The following IMMP2L variants were observed in gnomAD, a reference collection of about 807,000 sequenced individuals.
The protein encoded by IMMP2L is mitochondrial inner membrane protease subunit 2.
Under a neutral mutation model 19.3 loss-of-function variants are expected in IMMP2L, and 18 were observed. That is an observed-to-expected ratio of 0.93 (90% CI 0.64 to 1.38). IMMP2L has a LOEUF of 1.38. IMMP2L is among the 40% of genes most tolerant of loss of function. The probability of loss-of-function intolerance (pLI) is 0.00; values close to 1 mark genes in which losing one functional copy is unlikely to be tolerated. For synonymous variants in IMMP2L, 76 were observed against 73.0 expected (o/e 1.04, Z -0.21); for missense variants, 233 against 218.2 (o/e 1.07, Z -0.43).
At chr7:110,938,788 T>A (rs1816393102) in intron 4 of IMMP2L, among the ~76,000 whole-genome samples, 2 of 152,084 alleles carry the variant, frequency 1.3e-5, no homozygotes, top group African/African-American at 4.8e-5. Context: ...GGGAAGAATA[T>A]CGTTAAATGT....
chr7:110,979,308 T>C (rs1821008902), intron 3 of IMMP2L, among the ~76,000 whole-genome samples: 1 of 152,154 alleles, frequency 6.6e-6, no homozygotes, highest in Admixed American at 6.5e-5. Context: ...TGTCTAAATT[T>C]TTTCTCAAAT....
At chr7:111,349,913 T>C (rs1278253047) in intron 3 of IMMP2L, among the ~76,000 whole-genome samples, 1 of 151,998 alleles carries the variant, frequency 6.6e-6, no homozygotes, top group Non-Finnish European at 1.5e-5. Context: ...CCCAATATCA[T>C]GGCTCTCATC....
At chr7:111,446,014 C>T (rs189391261) in intron 3 of IMMP2L, among the ~76,000 whole-genome samples, 3,960 of 152,016 alleles carry the variant, frequency 0.026, 84 homozygotes, top group Non-Finnish European at 0.028. Context: ...TAAGAAACGG[C>T]GCACCACGAG....
intron 5 of IMMP2L, among the ~76,000 whole-genome samples, chr7:110,774,569 A>G (rs1054310607): frequency 1.3e-5 from 2 of 152,104 alleles, no homozygotes; most frequent in Non-Finnish European, 2.9e-5. Context: ...CATTTTAGTC[A>G]ATGATGGACT....
chr7:111,024,140 G>C (rs1826575067), intron 3 of IMMP2L, among the ~76,000 whole-genome samples: 1 of 152,248 alleles, frequency 6.6e-6, no homozygotes, highest in Non-Finnish European at 1.5e-5. Flanking sequence ...GCAAAGATAG[G>C]TAAAATTCTT....
chr7:111,312,035 A>G (rs758232815), intron 3 of IMMP2L, among the ~76,000 whole-genome samples: 5 of 152,086 alleles, frequency 3.3e-5, no homozygotes, highest in African/African-American at 4.8e-5. Flanking sequence ...GCATTTCTCA[A>G]TATTTCCATG....
rs939152792 is a variant in IMMP2L at position 111,086,225 on chromosome 7, C to T, written c.240-122660G>A. Among the ~76,000 whole-genome samples, 3 of 145,540 alleles carry T rather than the reference C, an allele frequency of 2.1e-5. No homozygotes were observed. In the Admixed American group the frequency reaches 2.1e-4, roughly 10 times the overall value. ...AAGGTTCGCTTGAGAGCAGGCTGGG[C>T]AGCATAGAGAGACCCCATCTCTACT... On this transcript the variant is annotated intron_variant, in intron 3 of 5. Transcript: ENST00000405709.
At chr7:111,531,157 A>C (rs908078610) in intron 1 of IMMP2L, among the ~76,000 whole-genome samples, 4 of 151,970 alleles carry the variant, frequency 2.6e-5, no homozygotes, top group Admixed American at 2.6e-4. Context: ...GGGTTTCACC[A>C]TGTTAGCCAG....
At chr7:111,361,138 T>C (rs1829221300) in intron 3 of IMMP2L, among the ~76,000 whole-genome samples, 1 of 152,092 alleles carries the variant, frequency 6.6e-6, no homozygotes, top group African/African-American at 2.4e-5. Flanking sequence ...CAATAAACTA[T>C]ATTTAAATAT....
chr7:111,207,057 G>A (rs951512367), intron 3 of IMMP2L, among the ~76,000 whole-genome samples: 1 of 152,134 alleles, frequency 6.6e-6, no homozygotes. Context: ...TTTAACCTTG[G>A]AAGTGTCTCT....
chr7:111,144,046 A>G (rs904345546), intron 3 of IMMP2L, among the ~76,000 whole-genome samples: 2 of 152,130 alleles, frequency 1.3e-5, no homozygotes, highest in Non-Finnish European at 2.9e-5. Flanking sequence ...TTGTTTCTGG[A>G]CTAACAAAAT....
At chr7:110,683,605 T>G (rs1475681321) in intron 5 of IMMP2L, among the ~76,000 whole-genome samples, 2 of 152,154 alleles carry the variant, frequency 1.3e-5, no homozygotes, top group Non-Finnish European at 2.9e-5. Context: ...TTATTTTTTG[T>G]AAAGACTCAA....
At chr7:111,276,686 T>C (rs1819107717) in intron 3 of IMMP2L, among the ~76,000 whole-genome samples, 1 of 145,274 alleles carries the variant, frequency 6.9e-6, no homozygotes, top group African/African-American at 2.5e-5. Flanking sequence ...GAAAAAAAGC[T>C]AGCTGCATCA....
intron 3 of IMMP2L, among the ~76,000 whole-genome samples, chr7:110,991,238 T>C (rs1233616237): frequency 6.6e-6 from 1 of 152,146 alleles, no homozygotes; most frequent in African/African-American, 2.4e-5. Context: ...ACTTCGTTTC[T>C]TGAGGCTCCC....
At chr7:110,856,058 C>T (rs1472253996) in intron 5 of IMMP2L, among the ~76,000 whole-genome samples, 1 of 151,958 alleles carries the variant, frequency 6.6e-6, no homozygotes, top group Non-Finnish European at 1.5e-5. Context: ...TTTTCACATA[C>T]TTCTTATAAT....
intron 3 of IMMP2L, among the ~76,000 whole-genome samples, chr7:111,228,326 T>TTA (rs201092831): frequency 0.016 from 2,433 of 152,020 alleles, 25 homozygotes; most frequent in Non-Finnish European, 0.024. Context: ...GTACTTAACT[T>TTA]GATAAAGTCA....
At chr7:111,217,364 C>T (rs1430370876) in intron 3 of IMMP2L, among the ~76,000 whole-genome samples, 1 of 152,042 alleles carries the variant, frequency 6.6e-6, no homozygotes, top group Non-Finnish European at 1.5e-5. Context: ...CAGCACTACT[C>T]CTAATATCAG....
chr7:110,989,005 G>A (rs1822161486), intron 3 of IMMP2L, among the ~76,000 whole-genome samples: 1 of 152,124 alleles, frequency 6.6e-6, no homozygotes, highest in African/African-American at 2.4e-5. Context: ...GGGGGACCGA[G>A]GCGGCAGATC....
chr7:110,783,573 G>A (rs1276768603), intron 5 of IMMP2L, among the ~76,000 whole-genome samples: 1 of 151,684 alleles, frequency 6.6e-6, no homozygotes, highest in Non-Finnish European at 1.5e-5. Flanking sequence ...ATTACTCCTG[G>A]TATATATAGA....
Sources: allele counts gnomAD v4.1 joint callset (sites outside exome capture counted in the v4.1 genomes callset), GRCh38; gene constraint gnomAD v4.1.1; transcripts MANE v1.5; gene names NCBI Gene and HGNC (gene_info 2026-07-23, HGNC 2026-07-21).